Variants in E2F3 observed in about 807,000 individuals in gnomAD.
E2F3 encodes the protein E2F transcription factor 3.
In E2F3, 11 loss-of-function variants were observed where a neutral mutation model predicts 44.4. That is an observed-to-expected ratio of 0.25 (90% CI 0.16 to 0.41). E2F3 has a LOEUF of 0.41. Ranked by LOEUF, E2F3 falls within the 10% of genes least tolerant of loss-of-function variation. The probability of loss-of-function intolerance (pLI) is 1.00; values close to 1 mark genes in which losing one functional copy is unlikely to be tolerated. For synonymous variants in E2F3, 249 were observed against 253.0 expected (o/e 0.98, Z 0.15); for missense variants, 487 against 583.6 (o/e 0.83, Z 1.70).
At chr6:20,466,225 A>G (rs1581635254) in intron 1 of E2F3, among the ~76,000 whole-genome samples, 1 of 151,790 alleles carries the variant, frequency 6.6e-6, no homozygotes, top group South Asian at 2.1e-4. Flanking sequence ...CGATTCTCCT[A>G]CCTCAGCCTC....
chr6:20,415,077 A>G (rs1426481997), intron 1 of E2F3, among the ~76,000 whole-genome samples: 3 of 152,086 alleles, frequency 2.0e-5, no homozygotes, highest in Non-Finnish European at 4.4e-5. Flanking sequence ...AACTCTCGGC[A>G]TTTTTACCTC....
chr6:20,476,591 G>A (rs550570407), intron 1 of E2F3, among the ~76,000 whole-genome samples: 1 of 152,274 alleles, frequency 6.6e-6, no homozygotes, highest in African/African-American at 2.4e-5. Flanking sequence ...TTACTGGAAA[G>A]ACATACCTGC....
intron 1 of E2F3, among the ~76,000 whole-genome samples, chr6:20,427,438 T>A (rs757173548): frequency 6.6e-6 from 1 of 152,090 alleles, no homozygotes; most frequent in East Asian, 1.9e-4. Flanking sequence ...AGGGGTTACA[T>A]TGGGGTTTGC....
At chr6:20,470,853 T>C (rs1302517760) in intron 1 of E2F3, among the ~76,000 whole-genome samples, 1 of 152,214 alleles carries the variant, frequency 6.6e-6, no homozygotes, top group Non-Finnish European at 1.5e-5. Flanking sequence ...CTGGATGCCC[T>C]TTCTGGTGGC....
intron 1 of E2F3, among the ~76,000 whole-genome samples, chr6:20,457,348 C>CTTTTTTTTT (rs60238519): frequency 4.6e-5 from 5 of 109,474 alleles, no homozygotes; most frequent in East Asian, 2.7e-4. Context: ...CTTATTTTTT[C>CTTTTTTTTT]TTTTTTTTTT....
At chr6:20,483,051 G>C (rs1414680853) in intron 4 of E2F3, 131 bp downstream of exon 4, 11 of 1,333,820 alleles carry the variant, frequency 8.2e-6, no homozygotes, top group African/African-American at 1.4e-5. Flanking sequence ...GTGCCTGTGT[G>C]TGTATGTGTG....
At chr6:20,415,765 C>T (rs1759825181) in intron 1 of E2F3, among the ~76,000 whole-genome samples, 2 of 152,338 alleles carry the variant, frequency 1.3e-5, no homozygotes, top group East Asian at 1.9e-4. Flanking sequence ...TGCCCCTACT[C>T]TTGGTAGTGC....
chr6:20,463,749 GAC>G (rs1351489050), intron 1 of E2F3, among the ~76,000 whole-genome samples: 1 of 152,152 alleles, frequency 6.6e-6, no homozygotes. Flanking sequence ...TTCTGCAGTG[GAC>G]ACCAGCTGGG....
chr6:20,474,440 A>G (rs1381491539), intron 1 of E2F3, among the ~76,000 whole-genome samples: 2 of 152,184 alleles, frequency 1.3e-5, no homozygotes, highest in African/African-American at 4.8e-5. Context: ...AGGCTTTACC[A>G]CTGCTTGGAA....
chr6:20,460,149 C>T (rs1761450534), intron 1 of E2F3, among the ~76,000 whole-genome samples: 1 of 152,228 alleles, frequency 6.6e-6, no homozygotes, highest in Non-Finnish European at 1.5e-5. Flanking sequence ...CTCAGAACTT[C>T]TCACGGGCTG....
intron 1 of E2F3, among the ~76,000 whole-genome samples, chr6:20,415,213 G>A (rs1759805760): frequency 1.3e-5 from 2 of 152,190 alleles, no homozygotes; most frequent in Admixed American, 6.5e-5. Flanking sequence ...AGTTCATCTG[G>A]AGACAGGGAG....
intron 1 of E2F3, among the ~76,000 whole-genome samples, chr6:20,457,981 G>T (rs1004062098): frequency 6.6e-6 from 1 of 151,976 alleles, no homozygotes; most frequent in South Asian, 2.1e-4. Flanking sequence ...ATAGCAATTT[G>T]TCTAGTATTT....
At chr6:20,431,624 G>C (rs1760403764) in intron 1 of E2F3, among the ~76,000 whole-genome samples, 1 of 152,012 alleles carries the variant, frequency 6.6e-6, no homozygotes, top group South Asian at 2.1e-4. Flanking sequence ...TTCTTGGGAG[G>C]CCTCAGCAGA....
intron 1 of E2F3, among the ~76,000 whole-genome samples, chr6:20,412,517 A>G (rs1168147371): frequency 1.3e-5 from 2 of 152,094 alleles, no homozygotes; most frequent in Non-Finnish European, 2.9e-5. Context: ...GACTAGAGTC[A>G]TCAGTATGGG....
In E2F3 at chr6:20,489,335, C is replaced by A. The variant is rs548352257; in HGVS notation, c.1136-833C>A. On this transcript the variant is annotated intron_variant, in intron 6 of 6. Transcript: ENST00000346618. ...AAGACTGAGTTAAAATCAGTGAATT[C>A]TGCATGTAGTCCCAGCTATAGGGAG... Among the ~76,000 whole-genome samples the A allele has an allele frequency of 7.2e-5, 11 of 152,290 alleles. No homozygotes were observed. In the East Asian group the frequency reaches 1.9e-3, roughly 27 times the overall value.
chr6:20,424,407 G>A (rs1366834458), intron 1 of E2F3, among the ~76,000 whole-genome samples: 1 of 144,170 alleles, frequency 6.9e-6, no homozygotes, highest in African/African-American at 2.7e-5. Flanking sequence ...GTGTGTGTGT[G>A]TGTACATGCA....
chr6:20,465,704 G>A lies in E2F3; in HGVS notation c.394-14142G>A, dbSNP rs539740925. 3.3e-5 allele frequency among the ~76,000 whole-genome samples: 5 copies of A among 152,234 alleles called. No individual in the cohort carries two copies. The South Asian group carries it at 1.0e-3, about 32-fold the overall frequency. ...TATGAGTGAGAACATACGATGTTTGGTTTTCCATTCCTGAGTTACTTCACT... is the reference window on the plus strand; with the variant it reads ...TATGAGTGAGAACATACGATGTTTGATTTTCCATTCCTGAGTTACTTCACT... On this transcript the variant is annotated intron_variant, in intron 1 of 6. Coordinates refer to ENST00000346618, the MANE Select transcript of E2F3 (RefSeq NM_001949.5).
intron 4 of E2F3, among the ~76,000 whole-genome samples, chr6:20,484,967 A>G (rs1211818669): frequency 1.3e-5 from 2 of 151,832 alleles, no homozygotes; most frequent in Admixed American, 1.3e-4. Context: ...AAAAAAAAAA[A>G]AAGAAGCTAC....
intron 1 of E2F3, among the ~76,000 whole-genome samples, chr6:20,459,473 G>GTATA (rs1761427631): frequency 6.6e-6 from 1 of 152,148 alleles, no homozygotes; most frequent in Non-Finnish European, 1.5e-5. Flanking sequence ...TGTTTAAAAA[G>GTATA]TATACATCTG....
Sources: allele counts gnomAD v4.1 joint callset (sites outside exome capture counted in the v4.1 genomes callset), GRCh38; gene constraint gnomAD v4.1.1; transcripts MANE v1.5; gene names NCBI Gene and HGNC (gene_info 2026-07-23, HGNC 2026-07-21).